NSRP1: variants seen among roughly 807,000 people sequenced by gnomAD.
NSRP1 encodes the protein coiled-coil domain containing 55.
Under a neutral mutation model 54.7 loss-of-function variants are expected in NSRP1, and 24 were observed. That is an observed-to-expected ratio of 0.44 (90% CI 0.32 to 0.62). NSRP1 has a LOEUF of 0.62. Ranked by LOEUF, NSRP1 falls within the 20% of genes least tolerant of loss-of-function variation. The probability of loss-of-function intolerance (pLI) is 0.06; values close to 1 mark genes in which losing one functional copy is unlikely to be tolerated. For missense variants in NSRP1, 596 were observed against 651.2 expected (o/e 0.92, Z 0.92); for synonymous variants, 210 against 213.8 (o/e 0.98, Z 0.15).
chr17:30,180,115 G>A (rs888394752), intron 5 of NSRP1, among the ~76,000 whole-genome samples: 6 of 151,630 alleles, frequency 4.0e-5, no homozygotes, highest in Non-Finnish European at 7.4e-5. Context: ...GGCATTACAG[G>A]TGTGAGCCAC....
At chr17:30,133,968 C>T (rs973601942) in intron 2 of NSRP1, among the ~76,000 whole-genome samples, 3 of 152,206 alleles carry the variant, frequency 2.0e-5, no homozygotes, top group Non-Finnish European at 4.4e-5. Flanking sequence ...CAGCCTGTCT[C>T]GCCTTTCAGC....
chr17:30,180,964 A>G lies in NSRP1; in HGVS notation c.565A>G (p.Asn189Asp), dbSNP rs748888956. 6.2e-7 allele frequency: 1 copy of G among 1,613,894 alleles called. No individual in the cohort carries two copies. The highest frequency in any genetic ancestry group is 8.5e-7 in the Non-Finnish European group (1 of 1,179,836). ...CAGTGGATTTTATAGGCACCTATTAAATCAAGCAGTTGGTGAAGAGGAAGT... is the reference window on the plus strand; with the variant it reads ...CAGTGGATTTTATAGGCACCTATTAGATCAAGCAGTTGGTGAAGAGGAAGT... ...DLSGFYRHLL[N>D]QAVGEEEVPK... Residue 189 changes from asparagine to aspartate, a missense_variant, in exon 6 of 7, where the codon AAT becomes GAT. Asn to Asp is a conservative substitution (Grantham distance 23). Transcript: ENST00000247026.
intron 2 of NSRP1, among the ~76,000 whole-genome samples, chr17:30,140,750 G>C (rs539698156): frequency 6.6e-6 from 1 of 151,766 alleles, no homozygotes; most frequent in Non-Finnish European, 1.5e-5. Flanking sequence ...GGCTGGTCTC[G>C]AACTCCTGAC....
intron 2 of NSRP1, chr17:30,144,079 A>G (rs1381184887): frequency 6.6e-6 from 1 of 151,872 alleles, no homozygotes; most frequent in Non-Finnish European, 1.5e-5. Context: ...CCCTTTAATC[A>G]GTATTTTAGA....
intron 3 of NSRP1, 60 bp from the exon 4 acceptor site, chr17:30,178,011 G>A (rs992429934): frequency 1.0e-5 from 16 of 1,535,116 alleles, no homozygotes; most frequent in Non-Finnish European, 1.3e-5. Context: ...AAAAAGCATA[G>A]ACTTTGTTGT....
intron 2 of NSRP1, 120 bp downstream of exon 2, chr17:30,118,293 G>C (rs762346496): frequency 4.3e-4 from 278 of 652,652 alleles, no homozygotes; most frequent in Non-Finnish European, 5.7e-4. Flanking sequence ...ATAATTTACA[G>C]AATTGTCAAA....
chr17:30,147,006 A>C (rs2071861702), intron 2 of NSRP1, among the ~76,000 whole-genome samples: 1 of 152,218 alleles, frequency 6.6e-6, no homozygotes, highest in Non-Finnish European at 1.5e-5. Context: ...ATGTTGAAAA[A>C]TGTCCTTAGT....
At chr17:30,118,355 C>T (rs2071562638) in intron 2 of NSRP1, among the ~76,000 whole-genome samples, 182 bp downstream of exon 2, 1 of 152,224 alleles carries the variant, frequency 6.6e-6, no homozygotes, top group African/African-American at 2.4e-5. Flanking sequence ...ATTTTTTTCC[C>T]TCTAAAAGCT....
intron 2 of NSRP1, among the ~76,000 whole-genome samples, chr17:30,137,590 G>A (rs1451726441): frequency 6.6e-6 from 1 of 152,232 alleles, no homozygotes; most frequent in East Asian, 1.9e-4. Context: ...CCTTTGTATT[G>A]TAAGCCTTGA....
At chr17:30,124,009 C>T (rs1279263155) in intron 2 of NSRP1, among the ~76,000 whole-genome samples, 1 of 152,084 alleles carries the variant, frequency 6.6e-6, no homozygotes, top group Non-Finnish European at 1.5e-5. Context: ...CATGATAACT[C>T]ATGCCTGTAC....
chr17:30,136,011 G>A (rs955714273), intron 2 of NSRP1, among the ~76,000 whole-genome samples: 3 of 151,790 alleles, frequency 2.0e-5, no homozygotes, highest in Non-Finnish European at 4.4e-5. Context: ...TCAGGAGTTT[G>A]AGACCATCCT....
intron 2 of NSRP1, among the ~76,000 whole-genome samples, chr17:30,145,938 G>T (rs1048986017): frequency 6.6e-6 from 1 of 152,128 alleles, no homozygotes; most frequent in Non-Finnish European, 1.5e-5. Context: ...CAGCCTCGAT[G>T]TACGGGGCTC....
At chr17:30,181,398 CTTTTTT>C (rs61484398) in intron 6 of NSRP1, among the ~76,000 whole-genome samples, 2 of 121,904 alleles carry the variant, frequency 1.6e-5, no homozygotes, top group Admixed American at 8.5e-5. Context: ...TTTCTTTTTT[CTTTTTT>C]TTTTTTTTTT....
intron 2 of NSRP1, among the ~76,000 whole-genome samples, chr17:30,134,037 T>C (rs1027727584): frequency 1.3e-5 from 2 of 152,370 alleles, no homozygotes; most frequent in Non-Finnish European, 2.9e-5. Context: ...AGAAACCTGC[T>C]ACTCTTTCTT....
chr17:30,170,355 A>G (rs1231896557), intron 2 of NSRP1, among the ~76,000 whole-genome samples: 2 of 152,194 alleles, frequency 1.3e-5, no homozygotes. Flanking sequence ...ATTTAGCATG[A>G]ATACCATATA....
At chr17:30,175,522 C>T (rs755573040) in intron 3 of NSRP1, among the ~76,000 whole-genome samples, 1 of 152,018 alleles carries the variant, frequency 6.6e-6, no homozygotes, top group East Asian at 1.9e-4. Flanking sequence ...CAACCTCCAC[C>T]TCCTGGATTC....
chr17:30,184,327 TGAA>T (rs1285871694), intron 6 of NSRP1, among the ~76,000 whole-genome samples: 1 of 152,230 alleles, frequency 6.6e-6, no homozygotes, highest in Non-Finnish European at 1.5e-5. Flanking sequence ...TACCAAAAAA[TGAA>T]GACCTGTACA....
At chr17:30,171,217 A>C (rs550387053) in intron 2 of NSRP1, among the ~76,000 whole-genome samples, 154 of 150,734 alleles carry the variant, frequency 1.0e-3, no homozygotes, top group African/African-American at 3.6e-3. Flanking sequence ...CCTCATATAC[A>C]TTTAGTTGCC....
intron 2 of NSRP1, among the ~76,000 whole-genome samples, chr17:30,141,812 G>A (rs1334599178): frequency 6.6e-6 from 1 of 152,140 alleles, no homozygotes. Flanking sequence ...AGACCAGCCC[G>A]GGCAATGTGG....
Sources: gnomAD v4.1 joint callset for allele counts (sites outside exome capture counted in the v4.1 genomes callset) on GRCh38, gnomAD v4.1.1 for gene constraint, MANE v1.5 for transcripts, NCBI Gene and HGNC (gene_info 2026-07-23, HGNC 2026-07-21) for gene names.